Variants in ZNF76 observed in about 807,000 individuals in gnomAD.
The protein encoded by ZNF76 is zinc finger protein 523.
Under a neutral mutation model 66.9 loss-of-function variants are expected in ZNF76, and 66 were observed. The ratio of observed to expected loss-of-function variants is 0.99; its 90% CI spans 0.81 to 1.21. The LOEUF (loss-of-function observed/expected upper bound fraction) is 1.21. ZNF76 is among the 50% of genes most tolerant of loss of function. The pLI, the probability that ZNF76 is intolerant of heterozygous loss-of-function variation, is 0.00. For synonymous variants in ZNF76, 275 were observed against 296.1 expected (o/e 0.93, Z 0.73); for missense variants, 729 against 760.3 (o/e 0.96, Z 0.48).
rs1179886941 is a variant in ZNF76 at position 35,294,499 on chromosome 6, G to T, written c.1538G>T (p.Ser513Ile). Reference sequence around the variant, plus strand: ...GGGGCTGTGGTGGCTGAGGACTCAAGTGTAGCATCTCTTCGTCATCAACAG... The same window carrying T: ...GGGGCTGTGGTGGCTGAGGACTCAATTGTAGCATCTCTTCGTCATCAACAG... ...TSGAVVAEDS[S>I]VASLRHQQVA... The change falls in exon 13 of 14, where the codon AGT becomes ATT. Residue 513 changes from serine (S) to isoleucine (I), a missense_variant. Ser to Ile is a moderately radical substitution (Grantham distance 142). Transcript: ENST00000373953. 4.3e-6 allele frequency: 7 copies of T among 1,613,996 alleles called. No individual in the cohort carries two copies. Among genetic ancestry groups the T allele is most frequent in the Non-Finnish European group, 5.9e-6 (7 of 1,180,022 alleles).
intron 4 of ZNF76, 173 bp downstream of exon 4, chr6:35,286,572 C>T: frequency 3.0e-6 from 2 of 664,460 alleles, no homozygotes. Flanking sequence ...TTCCCTGGTG[C>T]AGACCACAGG....
At chr6:35,271,394 C>G (rs1239762638) in intron 1 of ZNF76, among the ~76,000 whole-genome samples, 1 of 152,188 alleles carries the variant, frequency 6.6e-6, no homozygotes, top group East Asian at 1.9e-4. Flanking sequence ...GATTCTGCTG[C>G]ACAGTGGCTC....
chr6:35,291,004 G>C (rs1790297715), intron 7 of ZNF76: 1 of 594,408 alleles, frequency 1.7e-6, no homozygotes. Flanking sequence ...GCATCTCTCT[G>C]GGCTTATTTT....
chr6:35,268,474 C>G (rs530581582), intron 1 of ZNF76, among the ~76,000 whole-genome samples: 2 of 151,826 alleles, frequency 1.3e-5, no homozygotes, highest in African/African-American at 4.8e-5. Context: ...AAATTTTGTC[C>G]TGGAGAGTGA....
intron 1 of ZNF76, among the ~76,000 whole-genome samples, chr6:35,278,615 C>T (rs983403656): frequency 3.9e-5 from 6 of 152,356 alleles, no homozygotes; most frequent in Admixed American, 2.0e-4. Context: ...GTTGGTAAGT[C>T]GTGAGAATCC....
rs1041853149 is a variant in ZNF76 at position 35,295,864 on chromosome 6, C to G, written c.*616C>G. 1 of 154,352 alleles carries G rather than the reference C, an allele frequency of 6.5e-6. No homozygotes were observed. The highest frequency in any genetic ancestry group is 1.4e-5 in the Non-Finnish European group (1 of 69,068). 9.6% of individuals were successfully genotyped at this position (154,352 alleles called of 1,614,324 possible). ...GGCAGGGAGTGGCCCTGTACATAGA[C>G]TGCTGGGGATTGGGTTTGATTTGTT... On this transcript the variant is annotated 3_prime_UTR_variant, in exon 14 of 14. Coordinates refer to ENST00000373953, the MANE Select transcript of ZNF76 (RefSeq NM_003427.5).
At chr6:35,278,581 G>T (rs1221573609) in intron 1 of ZNF76, among the ~76,000 whole-genome samples, 1 of 152,248 alleles carries the variant, frequency 6.6e-6, no homozygotes, top group Non-Finnish European at 1.5e-5. Context: ...AAAACAGTTT[G>T]GGTAGCACCA....
rs752631877 is a variant in ZNF76 at position 35,286,211 on chromosome 6, G to A, written c.154+3G>A. ...TCACCAGGTGACGGTACAGAAAGGTGAGGGCACCCCAACACACCATGCCTT... is the reference window on the plus strand; with the variant it reads ...TCACCAGGTGACGGTACAGAAAGGTAAGGGCACCCCAACACACCATGCCTT... On this transcript the variant is annotated splice_donor_region_variant and intron_variant, in intron 3 of 13. Transcript: ENST00000373953. 1 of 1,614,160 alleles carries A rather than the reference G, an allele frequency of 6.2e-7. No individual in the cohort carries two copies. The highest frequency in any genetic ancestry group is 1.7e-5 in the Admixed American group (1 of 60,016).
intron 1 of ZNF76, among the ~76,000 whole-genome samples, chr6:35,275,318 T>C (rs1044415214): frequency 6.6e-6 from 1 of 151,946 alleles, no homozygotes; most frequent in African/African-American, 2.4e-5. Context: ...CTAGTAAACC[T>C]TATATCCTAC....
intron 12 of ZNF76, 72 bp downstream of exon 12, chr6:35,293,987 G>C: frequency 6.5e-7 from 1 of 1,541,556 alleles, no homozygotes; most frequent in Non-Finnish European, 8.8e-7. Flanking sequence ...TTAAAGTGCA[G>C]CCTAAACTAG....
chr6:35,264,019 A>G (rs1023725844), intron 1 of ZNF76, among the ~76,000 whole-genome samples: 4 of 152,154 alleles, frequency 2.6e-5, no homozygotes, highest in Non-Finnish European at 5.9e-5. Flanking sequence ...CCAAAGTGCT[A>G]GGATTACAGG....
chr6:35,274,266 T>C (rs1372750224), intron 1 of ZNF76, among the ~76,000 whole-genome samples: 1 of 152,254 alleles, frequency 6.6e-6, no homozygotes, highest in East Asian at 1.9e-4. Context: ...TTTGTTGTTG[T>C]TTTCTTTTTT....
intron 1 of ZNF76, among the ~76,000 whole-genome samples, chr6:35,276,606 C>G (rs1307648797): frequency 2.6e-5 from 4 of 152,176 alleles, no homozygotes; most frequent in African/African-American, 9.7e-5. Flanking sequence ...AGCCTGTGCT[C>G]TTAACCACAC....
chr6:35,286,928 C>G (rs761824792), intron 4 of ZNF76: 1 of 170,466 alleles, frequency 5.9e-6, no homozygotes, highest in Non-Finnish European at 1.3e-5. Context: ...ATGAACTGAT[C>G]ATTACAAACA....
chr6:35,291,894 T>C, intron 9 of ZNF76, 157 bp downstream of exon 9: 4 of 763,066 alleles, frequency 5.2e-6, no homozygotes, highest in Non-Finnish European at 8.5e-6. Context: ...AGAACAACTC[T>C]GCTTGCAGTG....
At chr6:35,276,802 T>TG (rs1269170285) in intron 1 of ZNF76, among the ~76,000 whole-genome samples, 47 of 147,540 alleles carry the variant, frequency 3.2e-4, no homozygotes, top group African/African-American at 1.2e-3. Context: ...TTTTTTTTTT[T>TG]TTTTTTTTTT....
At chr6:35,294,674 A>G (rs1489865741) in intron 13 of ZNF76, 105 bp downstream of exon 13, 3 of 816,060 alleles carry the variant, frequency 3.7e-6, no homozygotes, top group Non-Finnish European at 6.2e-6. Flanking sequence ...TCTGACTCAA[A>G]AAGAGCCCAT....
intron 4 of ZNF76, chr6:35,286,649 TG>T (rs1233634387): frequency 3.4e-6 from 2 of 580,454 alleles, no homozygotes; most frequent in African/African-American, 3.7e-5. Flanking sequence ...ATGGTGGCCT[TG>T]GCTCCAGCAC....
In ZNF76 at chr6:35,295,209, T is replaced by G; in HGVS notation, c.1674T>G (p.Ala558=). 6.2e-7 allele frequency: 1 copy of G among 1,611,480 alleles called. No individual in the cohort carries two copies. The highest frequency in any genetic ancestry group is 1.3e-5 in the African/African-American group (1 of 74,992). Residue 558 remains alanine (A), a synonymous_variant, in exon 14 of 14, where the codon GCT becomes GCG. Coordinates refer to ENST00000373953, the MANE Select transcript of ZNF76 (RefSeq NM_003427.5). ...CCACTGCGGCCATGCAGCAAGGGGC[T>G]GTGACCCTGGAGACAACAGTGTCGG... The part of the protein sequence containing the change: ...NVATAAMQQG[A]VTLETTVSES...
Sources: gnomAD v4.1 joint callset for allele counts (sites outside exome capture counted in the v4.1 genomes callset) on GRCh38, gnomAD v4.1.1 for gene constraint, MANE v1.5 for transcripts, NCBI Gene and HGNC (gene_info 2026-07-23, HGNC 2026-07-21) for gene names.